Variants in TSBP1 observed in about 807,000 individuals in gnomAD.
TSBP1 encodes the protein testis-expressed basic protein 1.
In TSBP1, 56 loss-of-function variants were observed where a neutral mutation model predicts 68.8. The ratio of observed to expected loss-of-function variants is 0.81; its 90% CI spans 0.66 to 1.02. TSBP1 has a LOEUF of 1.02. Among genes scored for constraint, TSBP1 ranks in the 50% least tolerant of loss-of-function variants. The pLI is 0.00. For synonymous variants in TSBP1, 171 were observed against 208.7 expected, an observed-to-expected ratio of 0.82 and a Z score of 1.56; for missense variants, 502 against 641.2, an observed-to-expected ratio of 0.78 and a Z score of 2.34.
At chr6:32,348,699 T>C (rs1193216963) in intron 9 of TSBP1, among the ~76,000 whole-genome samples, 3 of 152,180 alleles carry the variant, frequency 2.0e-5, no homozygotes, top group Admixed American at 6.5e-5. Context: ...TTTACTCTTT[T>C]GCTAGCTATA....
chr6:32,352,670 GAC>G (rs1418732163), intron 8 of TSBP1, among the ~76,000 whole-genome samples: 1 of 151,558 alleles, frequency 6.6e-6, no homozygotes, highest in Non-Finnish European at 1.5e-5. Flanking sequence ...ATTTAAAAAA[GAC>G]ACAAGACAAA....
intron 9 of TSBP1, among the ~76,000 whole-genome samples, chr6:32,347,165 ATTTTT>A (rs9279590): frequency 1.4e-5 from 2 of 144,356 alleles, no homozygotes; most frequent in Non-Finnish European, 1.5e-5. Context: ...GCCCTCTTAG[ATTTTT>A]TTTTTTTTTT....
intron 8 of TSBP1, 82 bp downstream of exon 8, chr6:32,355,042 C>A: frequency 1.6e-6 from 2 of 1,236,652 alleles, no homozygotes; most frequent in Non-Finnish European, 2.3e-6. Context: ...TAAAAACTTT[C>A]TTAAAAGAGA....
rs867407215 is a variant in TSBP1, at chr6:32,308,470, C to T, written c.581-5841G>A. Among the ~76,000 whole-genome samples, 43 of 148,974 alleles carry T rather than the reference C, an allele frequency of 2.9e-4. 1 individual carries two copies. The highest frequency in any genetic ancestry group is 1.0e-3 in the African/African-American group (42 of 40,836). ...AAAATTAGCCGGGCGTAGTGGCGGG[C>T]GCCTGTAGTCCCAGCTACTTGGGAG... On this transcript the variant is annotated intron_variant, in intron 19 of 22. Transcript: ENST00000612031.
intron 22 of TSBP1, among the ~76,000 whole-genome samples, chr6:32,295,361 A>C (rs560558635): frequency 0.042 from 6,197 of 146,032 alleles, 178 homozygotes; most frequent in South Asian, 0.059. Flanking sequence ...AAAAAAAAAA[A>C]AAAAAAAAAG....
At chr6:32,355,568 C>T in intron 7 of TSBP1, 81 bp downstream of exon 7, 2 of 1,540,528 alleles carry the variant, frequency 1.3e-6, no homozygotes, top group Non-Finnish European at 1.8e-6. Flanking sequence ...CAGGATTTCT[C>T]TTTCCTCCAA....
chr6:32,300,814 T>C (rs1765210672), intron 20 of TSBP1, 114 bp from the exon 24 acceptor site: 1 of 878,178 alleles, frequency 1.1e-6, no homozygotes, highest in Non-Finnish European at 1.9e-6. Flanking sequence ...TTTCATTTAT[T>C]TAAATGTGAA....
chr6:32,363,479 AT>A (rs1465660701), intron 6 of TSBP1, among the ~76,000 whole-genome samples: 1 of 136,856 alleles, frequency 7.3e-6, no homozygotes, highest in Non-Finnish European at 1.6e-5. Context: ...TGATTTGCTG[AT>A]TTTCTGTAGT....
At chr6:32,293,544 T>G in exon 23 of TSBP1, 1 of 1,611,884 alleles carries the variant, frequency 6.2e-7, no homozygotes, top group Non-Finnish European at 8.5e-7. Context: ...TCCTGTCTTC[T>G]TGGCACACCC....
intron 19 of TSBP1, among the ~76,000 whole-genome samples, chr6:32,305,355 C>T (rs1206387864): frequency 6.6e-6 from 1 of 152,142 alleles, no homozygotes; most frequent in East Asian, 1.9e-4. Context: ...TAGAGGAAAG[C>T]CTTCAGGACT....
chr6:32,368,740 A>T, intron 3 of TSBP1, 42 bp downstream of exon 3: 3 of 1,517,136 alleles, frequency 2.0e-6, no homozygotes, highest in Non-Finnish European at 2.7e-6. Context: ...TGAAAATTCT[A>T]TAAGTACTAT....
chr6:32,367,569 T>C (rs894765161), intron 4 of TSBP1, among the ~76,000 whole-genome samples: 3 of 152,228 alleles, frequency 2.0e-5, no homozygotes, highest in Non-Finnish European at 2.9e-5. Context: ...CCTCTTCTAC[T>C]GTATGGCTTT....
intron 8 of TSBP1, among the ~76,000 whole-genome samples, chr6:32,352,261 T>C (rs1241583683): frequency 1.3e-5 from 2 of 151,984 alleles, no homozygotes; most frequent in African/African-American, 4.8e-5. Context: ...TTAAAAAGAA[T>C]ACCACAAACA....
Position 32,335,361 on chromosome 6 carries a change from A to C in TSBP1, c.472+76T>G. The C allele has an allele frequency of 7.2e-7, 1 of 1,382,374 alleles. No homozygotes were observed. Among genetic ancestry groups the C allele is most frequent in the Non-Finnish European group, 9.7e-7 (1 of 1,033,556 alleles). 85.6% of individuals were successfully genotyped at this position (1,382,374 alleles called of 1,614,324 possible). ...TTGATCCTTGAGTCCTTGGGCATGA[A>C]TAATTGAAATAAAAATAGATTGATG... On this transcript the variant is annotated intron_variant, in intron 14 of 22. Transcript: ENST00000612031. The surrounding 1 kb of genome is among the most constrained non-coding windows in gnomAD (Gnocchi z 5.5).
Position 32,371,828 on chromosome 6 carries a change from A to G in TSBP1, c.-122T>C, listed in dbSNP as rs146129371. 5.8e-3 allele frequency: 6,048 copies of G among 1,045,866 alleles called. 32 individuals are homozygous for G. Among genetic ancestry groups the G allele is most frequent in the Non-Finnish European group, 7.5e-3 (5,087 of 675,794 alleles). The allele number at this position is 1,045,866 out of a possible 1,614,324, so 64.8% of individuals were successfully genotyped here. ...AGCAATATGAACTTGGGTGTCAGGG[A>G]GGCCCTTGTAGGCAGAGATGCAGAG... On this transcript the variant is annotated 5_prime_UTR_variant, in exon 1 of 23. Coordinates refer to ENST00000612031, the Ensembl canonical transcript of TSBP1.
intron 6 of TSBP1, among the ~76,000 whole-genome samples, chr6:32,358,138 T>A (rs1014584923): frequency 6.6e-6 from 1 of 152,216 alleles, no homozygotes; most frequent in African/African-American, 2.4e-5. Context: ...GACTAACATA[T>A]AGTAGGTGCT....
At chr6:32,326,978 T>G (rs1404891954) in intron 16 of TSBP1, among the ~76,000 whole-genome samples, 1 of 152,230 alleles carries the variant, frequency 6.6e-6, no homozygotes, top group African/African-American at 2.4e-5. Context: ...TTTACCTTTC[T>G]TCTCCCTATT....
chr6:32,323,251 G>C, intron 17 of TSBP1, 114 bp from the exon 19 acceptor site: 1 of 714,356 alleles, frequency 1.4e-6, no homozygotes, highest in Non-Finnish European at 2.5e-6. Flanking sequence ...TCTAAATTAT[G>C]ATTCTATGAC....
intron 8 of TSBP1, among the ~76,000 whole-genome samples, chr6:32,353,393 G>A (rs1457636000): frequency 6.6e-6 from 1 of 151,912 alleles, no homozygotes; most frequent in African/African-American, 2.4e-5. Context: ...CAAAAGACAT[G>A]CAAGACCTTT....
Sources: gnomAD v4.1 joint callset for allele counts (sites outside exome capture counted in the v4.1 genomes callset) on GRCh38, gnomAD v4.1.1 for gene constraint, Gnocchi (gnomAD v3.1) non-coding constraint, MANE v1.5 for transcripts, NCBI Gene and HGNC (gene_info 2026-07-23, HGNC 2026-07-21) for gene names.